DNAH12: variants seen among roughly 807,000 people sequenced by gnomAD.
DNAH12 encodes axonemal beta dynein heavy chain 12.
DNAH12 carries 285 observed loss-of-function variants against 371.5 expected under a neutral mutation model. The observed-to-expected ratio is 0.77, with a 90% CI of 0.70 to 0.85. The LOEUF (loss-of-function observed/expected upper bound fraction) is 0.85. Ranked by LOEUF, DNAH12 falls within the 40% of genes least tolerant of loss-of-function variation. The probability of loss-of-function intolerance (pLI) is 0.00; values close to 1 mark genes in which losing one functional copy is unlikely to be tolerated. For missense variants in DNAH12, 3,611 were observed against 3,689.4 expected (o/e 0.98, Z 0.55); for synonymous variants, 1,200 against 1,213.0 (o/e 0.99, Z 0.22).
intron 59 of DNAH12, among the ~76,000 whole-genome samples, chr3:57,352,597 A>G (rs2062704934): frequency 6.6e-6 from 1 of 151,772 alleles, no homozygotes; most frequent in South Asian, 2.1e-4. Context: ...CCATCTCTCT[A>G]TTTTCCAAAT....
chr3:57,426,872 C>T (rs2064787280), intron 34 of DNAH12, among the ~76,000 whole-genome samples: 1 of 149,088 alleles, frequency 6.7e-6, no homozygotes, highest in South Asian at 2.1e-4. Flanking sequence ...TGAGAAAGAA[C>T]TATGAGAAGA....
Position 57,322,449 on chromosome 3 carries a change from A to T in DNAH12, c.10418T>A (p.Met3473Lys). The T allele has an allele frequency of 6.4e-7, 1 of 1,552,242 alleles. No homozygotes were observed. Among genetic ancestry groups the T allele is most frequent in the Non-Finnish European group, 8.7e-7 (1 of 1,147,106 alleles). The change falls in exon 65 of 74, where the codon ATG (methionine) becomes AAG (lysine). Residue 3473 changes from methionine to lysine, a missense_variant. Physicochemically the swap from Met to Lys is moderately conservative, Grantham distance 95 (BLOSUM62 -1). This residue lies in a region of DNAH12 where 2,266 missense variants were observed against 2,236.9 expected (regional missense o/e 1.01). Transcript: ENST00000495027. The part of the protein sequence containing the change: ...PVTILQNGVK[M>K]TNEPPTGLRL... ...AAGACCCGTGGGAGGTTCATTAGTCATTTTTACTCCATTCTGTAGAATTGT... is the reference window on the plus strand; with the variant it reads ...AAGACCCGTGGGAGGTTCATTAGTCTTTTTTACTCCATTCTGTAGAATTGT...
chr3:57,535,467 G>T (rs1485566157), intron 2 of DNAH12, among the ~76,000 whole-genome samples: 1 of 152,204 alleles, frequency 6.6e-6, no homozygotes, highest in Non-Finnish European at 1.5e-5. Context: ...CAAGATGTCA[G>T]CACTATGCTC....
chr3:57,293,704 T>C lies in DNAH12; in HGVS notation c.*77A>G, dbSNP rs976592975. The C allele has an allele frequency of 7.8e-6, 11 of 1,416,190 alleles. No homozygotes were observed. In the African/African-American group the frequency reaches 1.2e-4, roughly 15 times the overall value. The allele number at this position is 1,416,190 out of a possible 1,614,324, so 87.7% of individuals were successfully genotyped here. On this transcript the variant is annotated 3_prime_UTR_variant, in exon 74 of 74. Coordinates refer to ENST00000495027, the MANE Select transcript of DNAH12 (RefSeq NM_001366028.2). ...AAAAGAATAACACCAAAACACTTGG[T>C]TTTATAATGTATATATTTTAAGTAG...
At chr3:57,392,680 A>T (rs1308944572) in intron 44 of DNAH12, among the ~76,000 whole-genome samples, 1 of 152,244 alleles carries the variant, frequency 6.6e-6, no homozygotes, top group Non-Finnish European at 1.5e-5. Context: ...CTAAAAAAAA[A>T]GTTTTGCGAC....
chr3:57,379,639 G>C lies in DNAH12; in HGVS notation c.8083-341C>G, dbSNP rs906510670. 3.2e-3 allele frequency among the ~76,000 whole-genome samples: 486 copies of C among 151,894 alleles called. 4 individuals carry two copies. The highest frequency in any genetic ancestry group is 0.011 in the African/African-American group (438 of 41,442). ...GCAGATCACTTGAGACCAGGAGTTC[G>C]AGGACAGCCTGGCCAATATGGTAAA... On this transcript the variant is annotated intron_variant, in intron 51 of 73. Transcript: ENST00000495027.
chr3:57,378,531 T>C (rs2063327234), intron 52 of DNAH12, among the ~76,000 whole-genome samples: 1 of 152,094 alleles, frequency 6.6e-6, no homozygotes, highest in African/African-American at 2.4e-5. Flanking sequence ...AAACACAAGC[T>C]ACCATATATT....
Position 57,425,064 on chromosome 3 carries a change from T to C in DNAH12, c.5331A>G (p.Val1777=). The C allele has an allele frequency of 1.4e-6, 1 of 702,846 alleles. No homozygotes were observed. Among genetic ancestry groups the C allele is most frequent in the Non-Finnish European group, 2.6e-6 (1 of 384,946 alleles). 43.5% of individuals were successfully genotyped at this position (702,846 alleles called of 1,614,324 possible). A position where few individuals can be genotyped will look rare whatever the true frequency, so the allele number is the denominator to read the frequency against. Residue 1777 remains valine, a synonymous_variant, in exon 35 of 74, where the codon GTA becomes GTG. Coordinates refer to ENST00000495027, the MANE Select transcript of DNAH12 (RefSeq NM_001366028.2). ...RLFEVLLCNV[V]ENDPTSKHIR... ...TGTGCTTGCTAGTAGGATCATTTTC[T>C]ACCACATTGCAAAGTAGCACTTCAA...
intron 38 of DNAH12, among the ~76,000 whole-genome samples, chr3:57,414,278 A>G (rs1377137684): frequency 6.6e-6 from 1 of 152,228 alleles, no homozygotes; most frequent in African/African-American, 2.4e-5. Context: ...TTATCTTTGT[A>G]TAGTATATGC....
rs929919521 is a variant in DNAH12 at position 57,328,691 on chromosome 3, G to C, written c.9979-5072C>G. On this transcript the variant is annotated intron_variant, in intron 62 of 73. Transcript: ENST00000495027. ...TCTCTCACCACTCCTATTCAACATAGTGTTGGAAGTTCTGGCCAGGGCAAT... is the reference window on the plus strand; with the variant it reads ...TCTCTCACCACTCCTATTCAACATACTGTTGGAAGTTCTGGCCAGGGCAAT... Among the ~76,000 whole-genome samples, 3 of 137,786 alleles carry C rather than the reference G, an allele frequency of 2.2e-5. No individual in the cohort carries two copies. In the Admixed American group the frequency reaches 2.3e-4, roughly 10 times the overall value. 90.4% of individuals were successfully genotyped at this position (137,786 alleles called of 152,430 possible).
At chr3:57,529,610 T>C (rs977316387) in intron 2 of DNAH12, among the ~76,000 whole-genome samples, 1 of 152,226 alleles carries the variant, frequency 6.6e-6, no homozygotes, top group African/African-American at 2.4e-5. Context: ...ATTTTATTTA[T>C]TTGGATCCTC....
intron 60 of DNAH12, among the ~76,000 whole-genome samples, chr3:57,350,945 T>C (rs1237662427): frequency 6.6e-6 from 1 of 152,158 alleles, no homozygotes; most frequent in Non-Finnish European, 1.5e-5. Context: ...ATGTATCACA[T>C]ACCAAAACAG....
At chr3:57,436,825 A>C in intron 30 of DNAH12, 126 bp downstream of exon 30, 1 of 596,078 alleles carries the variant, frequency 1.7e-6, no homozygotes, top group Non-Finnish European at 2.8e-6. Context: ...CTGGGGGGCC[A>C]GGGGGCGGGC....
intron 58 of DNAH12, among the ~76,000 whole-genome samples, chr3:57,362,034 T>G (rs1437553141): frequency 1.5e-5 from 2 of 130,644 alleles, no homozygotes; most frequent in Non-Finnish European, 3.2e-5. Context: ...CCATGACAGC[T>G]CCCAGTGTAT....
At chr3:57,347,074 A>AT (rs1305375265) in intron 60 of DNAH12, among the ~76,000 whole-genome samples, 4 of 152,198 alleles carry the variant, frequency 2.6e-5, no homozygotes, top group African/African-American at 9.7e-5. Context: ...AATTAAACCA[A>AT]TTCCACCATG....
chr3:57,490,940 T>C (rs911353989), intron 11 of DNAH12, among the ~76,000 whole-genome samples: 11 of 151,742 alleles, frequency 7.2e-5, no homozygotes, highest in African/African-American at 2.4e-4. Context: ...ACTACAAAAA[T>C]TAGCTGAGTG....
the DNAH12 span, among the ~76,000 whole-genome samples, chr3:57,550,878 CA>C: frequency 6.7e-6 from 1 of 149,204 alleles, no homozygotes; most frequent in Admixed American, 6.7e-5. Flanking sequence ...TGGCTAGAAA[CA>C]ATTTTTTTTT....
intron 66 of DNAH12, among the ~76,000 whole-genome samples, chr3:57,313,693 G>T (rs2061627068): frequency 6.6e-6 from 1 of 152,100 alleles, no homozygotes; most frequent in Non-Finnish European, 1.5e-5. Flanking sequence ...TGTAGTCCCA[G>T]TTACTCCAGA....
At chr3:57,347,221 G>A (rs1000938785) in intron 60 of DNAH12, among the ~76,000 whole-genome samples, 1 of 151,732 alleles carries the variant, frequency 6.6e-6, no homozygotes, top group Non-Finnish European at 1.5e-5. Context: ...TCAACAAAAG[G>A]AACAAAATGT....
Sources: allele counts gnomAD v4.1 joint callset (sites outside exome capture counted in the v4.1 genomes callset), GRCh38; gene constraint gnomAD v4.1.1; regional missense constraint gnomAD v4.1.1; transcripts MANE v1.5; gene names NCBI Gene and HGNC (gene_info 2026-07-23, HGNC 2026-07-21).